The following MAP7 variants were observed in gnomAD, a reference collection of about 807,000 sequenced individuals.
MAP7 encodes microtubule associated protein 7, also known as ensconsin.
A neutral mutation model predicts 94.8 loss-of-function variants in MAP7; 52 were observed. The observed-to-expected ratio is 0.55, with a 90% CI of 0.44 to 0.69. The LOEUF (loss-of-function observed/expected upper bound fraction) is 0.69. Ranked by LOEUF, MAP7 falls within the 30% of genes least tolerant of loss-of-function variation. The pLI is 0.00. For missense variants in MAP7, 940 were observed against 964.6 expected (o/e 0.97, Z 0.34); for synonymous variants, 350 against 357.0 (o/e 0.98, Z 0.22).
intron 3 of MAP7, among the ~76,000 whole-genome samples, chr6:136,402,971 A>G (rs959735122): frequency 2.0e-5 from 3 of 150,562 alleles, no homozygotes; most frequent in African/African-American, 7.3e-5. Context: ...AGGACTTACT[A>G]TCTCAGGGCT....
At chr6:136,463,480 A>G (rs2128919337) in intron 1 of MAP7, among the ~76,000 whole-genome samples, 1 of 152,322 alleles carries the variant, frequency 6.6e-6, no homozygotes, top group South Asian at 2.1e-4. Flanking sequence ...TGTTTTCTAA[A>G]GAATTTTTTT....
chr6:136,522,800 G>A (rs550174343), intron 1 of MAP7, among the ~76,000 whole-genome samples: 1 of 152,356 alleles, frequency 6.6e-6, no homozygotes, highest in South Asian at 2.1e-4. Flanking sequence ...GGGAGGCCAA[G>A]GTGGGAGGAT....
intron 1 of MAP7, among the ~76,000 whole-genome samples, chr6:136,430,904 G>A (rs939048325): frequency 3.3e-5 from 5 of 152,104 alleles, no homozygotes; most frequent in South Asian, 4.2e-4. Context: ...GCAGCCCTGC[G>A]CCCCCACCGC....
intron 1 of MAP7, among the ~76,000 whole-genome samples, chr6:136,540,530 T>C (rs151093511): frequency 6.6e-6 from 1 of 152,308 alleles, no homozygotes; most frequent in Non-Finnish European, 1.5e-5. Flanking sequence ...ACTTAGCTAT[T>C]CAATTGTACT....
chr6:136,480,279 T>C (rs1322386610), intron 1 of MAP7, among the ~76,000 whole-genome samples: 1 of 151,956 alleles, frequency 6.6e-6, no homozygotes, highest in Non-Finnish European at 1.5e-5. Flanking sequence ...GCTGGGAAAA[T>C]TGGATATCCA....
At chr6:136,514,544 G>T (rs1824195168) in intron 1 of MAP7, among the ~76,000 whole-genome samples, 1 of 120,138 alleles carries the variant, frequency 8.3e-6, no homozygotes. Context: ...TGAGATCACA[G>T]CACTCCAGCC....
chr6:136,475,490 AC>A (rs1343477075), intron 1 of MAP7, among the ~76,000 whole-genome samples: 6 of 152,126 alleles, frequency 3.9e-5, no homozygotes, highest in Non-Finnish European at 7.4e-5. Context: ...AGTTATATAA[AC>A]TCTCAGATTA....
chr6:136,399,813 T>C (rs1342064030), intron 3 of MAP7, among the ~76,000 whole-genome samples: 1 of 152,240 alleles, frequency 6.6e-6, no homozygotes, highest in East Asian at 1.9e-4. Context: ...AGGAATCTAA[T>C]GGCTTAACCT....
intron 1 of MAP7, among the ~76,000 whole-genome samples, chr6:136,517,636 T>G (rs1825240302): frequency 6.6e-6 from 1 of 152,226 alleles, no homozygotes; most frequent in South Asian, 2.1e-4. Flanking sequence ...AGTTTAAATA[T>G]TAATAACAGT....
intron 16 of MAP7, among the ~76,000 whole-genome samples, chr6:136,354,534 G>A (rs936498354): frequency 3.3e-5 from 5 of 149,944 alleles, no homozygotes; most frequent in African/African-American, 4.9e-5. Flanking sequence ...ATGGCCAATG[G>A]ATTTCATATT....
At position 136,521,547 on chromosome 6, in the gene MAP7, G is replaced by C. The variant is rs73551906; in HGVS notation, c.67+28795C>G. 5.6e-3 allele frequency among the ~76,000 whole-genome samples: 858 copies of C among 152,278 alleles called. 4 individuals carry two copies. Among genetic ancestry groups the C allele is most frequent in the East Asian group, 0.039 (204 of 5,184 alleles). On this transcript the variant is annotated intron_variant, in intron 1 of 17. Coordinates refer to ENST00000354570, the MANE Select transcript of MAP7 (RefSeq NM_003980.6). ...GGTTTTATATAAAAACAACACAGGAGTATAAAGTCAATCAGATGACTGCTT... is the reference window on the plus strand; with the variant it reads ...GGTTTTATATAAAAACAACACAGGACTATAAAGTCAATCAGATGACTGCTT...
At chr6:136,490,890 C>A (rs555206971) in intron 1 of MAP7, among the ~76,000 whole-genome samples, 13 of 152,218 alleles carry the variant, frequency 8.5e-5, no homozygotes, top group Non-Finnish European at 1.9e-4. Flanking sequence ...TCTCATCCTA[C>A]ATCCCCTCCA....
intron 5 of MAP7, among the ~76,000 whole-genome samples, chr6:136,387,818 G>T (rs941451122): frequency 6.6e-6 from 1 of 152,014 alleles, no homozygotes; most frequent in Non-Finnish European, 1.5e-5. Flanking sequence ...AATTCCAGGG[G>T]TATTGAATTT....
rs934139068 is a variant in MAP7, at chr6:136,525,796, ATCTGGC to A, written c.67+24540_67+24545del. ...AGGCAGTGTGGGAGACAAGGGCTGG[ATCTGGC>A]TCCGACCAAAGGGTGGAGCTAATGC... On this transcript the variant is annotated intron_variant, in intron 1 of 17. Transcript: ENST00000354570. 1.6e-5 allele frequency: 24 copies of A among 1,524,590 alleles called. No individual in the cohort carries two copies. The African/African-American group carries it at 2.2e-4, about 14-fold the overall frequency. 94.4% of individuals were successfully genotyped at this position (1,524,590 alleles called of 1,614,324 possible). A position where few individuals can be genotyped will look rare whatever the true frequency, so the allele number is the denominator to read the frequency against.
intron 1 of MAP7, among the ~76,000 whole-genome samples, chr6:136,450,784 CA>C (rs199850506): frequency 7.1e-4 from 98 of 137,962 alleles, no homozygotes; most frequent in African/African-American, 1.2e-3. Context: ...AACTCCATCT[CA>C]AAAAAAAAAA....
chr6:136,358,555 A>G (rs907120888), intron 15 of MAP7, among the ~76,000 whole-genome samples: 5 of 152,358 alleles, frequency 3.3e-5, no homozygotes, highest in African/African-American at 1.2e-4. Flanking sequence ...AAACCAAAAT[A>G]GCTTCTATGG....
At chr6:136,378,922 C>G (rs1313815354) in intron 6 of MAP7, among the ~76,000 whole-genome samples, 4 of 152,144 alleles carry the variant, frequency 2.6e-5, no homozygotes, top group South Asian at 4.1e-4. Context: ...AGACAGGGAT[C>G]TTGCCATGTT....
chr6:136,542,508 C>T (rs915690233), intron 1 of MAP7, among the ~76,000 whole-genome samples: 1 of 152,158 alleles, frequency 6.6e-6, no homozygotes, highest in Non-Finnish European at 1.5e-5. Context: ...ATATGTCTAG[C>T]TTTCTAACAA....
At chr6:136,446,533 C>T (rs1178385801) in intron 1 of MAP7, among the ~76,000 whole-genome samples, 1 of 152,182 alleles carries the variant, frequency 6.6e-6, no homozygotes, top group East Asian at 1.9e-4. Context: ...CCTTCATCCC[C>T]TCTCTCCTCC....
Sources: gnomAD v4.1 joint callset for allele counts (sites outside exome capture counted in the v4.1 genomes callset) on GRCh38, gnomAD v4.1.1 for gene constraint, MANE v1.5 for transcripts, NCBI Gene and HGNC (gene_info 2026-07-23, HGNC 2026-07-21) for gene names.